The following PCDH11X variants were observed in gnomAD, a reference collection of about 807,000 sequenced individuals.
The protein encoded by PCDH11X is protocadherin-11 X-linked.
Under a neutral mutation model 53.3 loss-of-function variants are expected in PCDH11X, and 18 were observed. The ratio of observed to expected loss-of-function variants is 0.34; its 90% confidence interval spans 0.23 to 0.50. PCDH11X has a LOEUF of 0.50. Ranked by LOEUF, PCDH11X falls within the 20% of genes least tolerant of loss-of-function variation. The pLI, the probability that PCDH11X is intolerant of heterozygous loss-of-function variation, is 0.98. For synonymous variants in PCDH11X, 279 were observed against 393.3 expected, an observed-to-expected ratio of 0.71 and a Z score of 3.44; for missense variants, 570 against 1,032.4, an observed-to-expected ratio of 0.55 and a Z score of 6.14.
chrX:92,454,942 T>G (rs1317969910), intron 9 of PCDH11X, among the ~76,000 whole-genome samples: 2 of 109,228 alleles, frequency 1.8e-5, no homozygotes, highest in Non-Finnish European at 3.8e-5. Flanking sequence ...GCACAAAAAT[T>G]TTGAGAAAAT....
At chrX:92,536,849 G>T (rs1218967547) in intron 10 of PCDH11X, among the ~76,000 whole-genome samples, 1 of 109,096 alleles carries the variant, frequency 9.2e-6, no homozygotes, top group Non-Finnish European at 1.9e-5. Flanking sequence ...GTAGAGACAG[G>T]GCTGTGCATG....
intron 10 of PCDH11X, among the ~76,000 whole-genome samples, chrX:92,523,525 G>C (rs1030297384): frequency 2.7e-5 from 3 of 111,713 alleles, no homozygotes; most frequent in Non-Finnish European, 5.6e-5. Context: ...TAGTGCTATT[G>C]CAGTCTTAAC....
At chrX:92,600,580 T>C (rs187860077) in intron 10 of PCDH11X, among the ~76,000 whole-genome samples, 2 of 110,546 alleles carry the variant, frequency 1.8e-5, no homozygotes, top group Admixed American at 1.9e-4. Context: ...CAGGCAGAGT[T>C]GTGCTGCAGG....
intron 8 of PCDH11X, among the ~76,000 whole-genome samples, chrX:92,353,116 G>T (rs2070098491): frequency 9.0e-6 from 1 of 111,303 alleles, no homozygotes; most frequent in East Asian, 2.8e-4. Context: ...GTATTATCTT[G>T]TCTTGTTATG....
At chrX:92,105,515 C>T (rs1197382403) in intron 6 of PCDH11X, among the ~76,000 whole-genome samples, 1 of 109,616 alleles carries the variant, frequency 9.1e-6, no homozygotes, top group Admixed American at 9.8e-5. Context: ...TGGGTGCAGG[C>T]GGGCTGAGTC....
intron 6 of PCDH11X, among the ~76,000 whole-genome samples, chrX:91,914,062 A>G (rs991634999): frequency 1.8e-5 from 2 of 112,034 alleles, no homozygotes; most frequent in African/African-American, 6.5e-5. Flanking sequence ...ACCTGAAGAC[A>G]GATCACATCA....
At chrX:92,450,903 C>G (rs2072764642) in intron 9 of PCDH11X, among the ~76,000 whole-genome samples, 1 of 111,324 alleles carries the variant, frequency 9.0e-6, no homozygotes, top group East Asian at 2.8e-4. Flanking sequence ...AAGTGGCATC[C>G]TAGCTGAGGT....
chrX:92,575,944 T>TATATATATACACAC (rs1363794960), intron 10 of PCDH11X, among the ~76,000 whole-genome samples: 1 of 19,919 alleles, frequency 5.0e-5, no homozygotes, highest in African/African-American at 2.6e-4. Context: ...TATATATATA[T>TATATATATACACAC]ACACACACAC....
At chrX:92,547,481 A>G (rs1286311799) in intron 10 of PCDH11X, among the ~76,000 whole-genome samples, 1 of 109,972 alleles carries the variant, frequency 9.1e-6, no homozygotes, top group Non-Finnish European at 1.9e-5. Context: ...AGAAAAAAAA[A>G]TGTGAATGAA....
chrX:92,492,641 C>T (rs1452170702), intron 10 of PCDH11X, among the ~76,000 whole-genome samples: 1 of 108,654 alleles, frequency 9.2e-6, no homozygotes, highest in Admixed American at 1.0e-4. Flanking sequence ...GCTGGGTGCA[C>T]AATTGTGGGA....
intron 9 of PCDH11X, among the ~76,000 whole-genome samples, chrX:92,390,047 T>C (rs1222827816): frequency 9.0e-6 from 1 of 111,106 alleles, no homozygotes; most frequent in Non-Finnish European, 1.9e-5. Context: ...TAAAGCAAAG[T>C]ATATATTTTG....
intron 6 of PCDH11X, among the ~76,000 whole-genome samples, chrX:92,190,069 G>T (rs1231041464): frequency 8.9e-6 from 1 of 111,844 alleles, no homozygotes; most frequent in Non-Finnish European, 1.9e-5. Flanking sequence ...AGTTTAATTA[G>T]ATCCCATTTT....
chrX:92,059,807 A>G (rs747038159), intron 6 of PCDH11X, among the ~76,000 whole-genome samples: 3 of 110,387 alleles, frequency 2.7e-5, no homozygotes, highest in East Asian at 5.7e-4. Flanking sequence ...TAATAGTTTT[A>G]TGATAACTCT....
chrX:92,014,858 T>G (rs1157006638), intron 6 of PCDH11X, among the ~76,000 whole-genome samples: 1 of 109,604 alleles, frequency 9.1e-6, no homozygotes, highest in Admixed American at 9.8e-5. Flanking sequence ...GCACAGGAAG[T>G]GGAACATCAC....
At chrX:91,841,442 C>A (rs947493457) in intron 5 of PCDH11X, among the ~76,000 whole-genome samples, 6 of 111,280 alleles carry the variant, frequency 5.4e-5, no homozygotes, top group Non-Finnish European at 1.1e-4. Flanking sequence ...CACATCATGC[C>A]TCTTAACTTA....
chrX:92,277,625 G>A lies in PCDH11X; in HGVS notation c.3144+14482G>A, dbSNP rs188251843. Among the ~76,000 whole-genome samples, 35 of 108,266 alleles carry A rather than the reference G, an allele frequency of 3.2e-4. No homozygotes were observed. The East Asian group carries it at 9.7e-3, about 30-fold the overall frequency. The allele number at this position is 108,266 out of a possible 115,157, so 94.0% of individuals were successfully genotyped here. On this transcript the variant is annotated intron_variant, in intron 8 of 10. Coordinates refer to ENST00000682573, the MANE Select transcript of PCDH11X (RefSeq NM_032968.5). Reference sequence around the variant, plus strand: ...AGTGGTTGGGGCTCAGAGATAAGAGGTCGGGGCATGGAAATAAGGGATGGG... The same window carrying A: ...AGTGGTTGGGGCTCAGAGATAAGAGATCGGGGCATGGAAATAAGGGATGGG...
intron 10 of PCDH11X, among the ~76,000 whole-genome samples, chrX:92,538,192 A>G (rs1481296621): frequency 2.8e-5 from 3 of 107,566 alleles, no homozygotes; most frequent in Non-Finnish European, 5.8e-5. Context: ...TATTCTTGCC[A>G]TTTTCTGGTT....
At chrX:92,225,734 TA>T (rs1201062089) in intron 7 of PCDH11X, among the ~76,000 whole-genome samples, 1 of 111,534 alleles carries the variant, frequency 9.0e-6, no homozygotes, top group Non-Finnish European at 1.9e-5. Context: ...CAGTAATAGT[TA>T]TTATTTTCCA....
intron 10 of PCDH11X, among the ~76,000 whole-genome samples, chrX:92,551,627 C>T (rs1386716440): frequency 9.2e-6 from 1 of 108,272 alleles, no homozygotes; most frequent in Non-Finnish European, 1.9e-5. Context: ...AATTTTTGCC[C>T]AGACCAATGT....
Sources: gnomAD v4.1 joint callset for allele counts (sites outside exome capture counted in the v4.1 genomes callset) on GRCh38, gnomAD v4.1.1 for gene constraint, MANE v1.5 for transcripts, NCBI Gene and HGNC (gene_info 2026-07-23, HGNC 2026-07-21) for gene names.